Variants in SPAG16 observed in about 807,000 individuals in gnomAD.
SPAG16 encodes the protein sperm-associated antigen 16 protein.
In SPAG16, 86 loss-of-function variants were observed where a neutral mutation model predicts 80.4. That is an observed-to-expected ratio of 1.07 (90% CI 0.90 to 1.28). The LOEUF is 1.28. Ranked by LOEUF, SPAG16 falls within the 50% of genes most tolerant of loss-of-function variation. The pLI is 0.00. For synonymous variants in SPAG16, 294 were observed against 265.9 expected, an observed-to-expected ratio of 1.11 and a Z score of -1.03; for missense variants, 870 against 765.3, an observed-to-expected ratio of 1.14 and a Z score of -1.61.
intron 10 of SPAG16, among the ~76,000 whole-genome samples, chr2:213,508,887 T>C (rs1413623604): frequency 2.6e-5 from 4 of 151,744 alleles, no homozygotes; most frequent in Non-Finnish European, 5.9e-5. Context: ...CTGCACATTG[T>C]GCACATGTAC....
intron 15 of SPAG16, among the ~76,000 whole-genome samples, chr2:214,184,107 CCATATAT>C (rs2057394341): frequency 1.3e-5 from 2 of 152,098 alleles, no homozygotes; most frequent in East Asian, 3.9e-4. Context: ...AGTTTGCCAA[CCATATAT>C]CATATGAAAT....
intron 15 of SPAG16, among the ~76,000 whole-genome samples, chr2:214,153,298 C>G (rs960004727): frequency 6.6e-6 from 1 of 152,190 alleles, no homozygotes; most frequent in Non-Finnish European, 1.5e-5. Flanking sequence ...CACTGTGTCC[C>G]CTCAGCTCCT....
At chr2:214,395,181 T>A (rs1018646005) in intron 15 of SPAG16, among the ~76,000 whole-genome samples, 1 of 152,164 alleles carries the variant, frequency 6.6e-6, no homozygotes, top group South Asian at 2.1e-4. Flanking sequence ...CTTGTACAAG[T>A]TTTTATGTGG....
chr2:213,987,798 TTATAAAA>T (rs2046086649), intron 12 of SPAG16, among the ~76,000 whole-genome samples: 1 of 147,138 alleles, frequency 6.8e-6, no homozygotes, highest in Admixed American at 6.8e-5. Flanking sequence ...AACTATATAA[TTATAAAA>T]TATAAAATAT....
At chr2:213,909,357 A>C (rs1027791674) in intron 11 of SPAG16, among the ~76,000 whole-genome samples, 1 of 152,200 alleles carries the variant, frequency 6.6e-6, no homozygotes, top group African/African-American at 2.4e-5. Context: ...GACTTTCTTC[A>C]CAGAATTGGA....
intron 5 of SPAG16, among the ~76,000 whole-genome samples, chr2:213,329,429 T>C (rs2063989779): frequency 6.6e-6 from 1 of 152,130 alleles, no homozygotes; most frequent in South Asian, 2.1e-4. Context: ...AGGTGACTCT[T>C]GTTATGTTTT....
chr2:214,198,192 A>T (rs935971450), intron 15 of SPAG16, among the ~76,000 whole-genome samples: 1 of 151,890 alleles, frequency 6.6e-6, no homozygotes, highest in African/African-American at 2.4e-5. Context: ...GTGCACCGTC[A>T]CCTGAGCAGT....
rs112519674 is a variant in SPAG16, at chr2:213,573,720, A to G, written c.1070+83630A>G. On this transcript the variant is annotated intron_variant, in intron 10 of 15. Transcript: ENST00000331683. Reference sequence around the variant, plus strand: ...TCTTCTACTATTTTTGGAGTTTGGAATTATCTTAATTTTGTCATAAATTTC... The same window carrying G: ...TCTTCTACTATTTTTGGAGTTTGGAGTTATCTTAATTTTGTCATAAATTTC... Among the ~76,000 whole-genome samples the G allele has an allele frequency of 7.9e-4, 120 of 152,306 alleles. 2 individuals are homozygous for G. The highest frequency in any genetic ancestry group is 3.4e-3 in the Middle Eastern group (1 of 294).
chr2:213,523,463 A>T (rs2075765661), intron 10 of SPAG16, among the ~76,000 whole-genome samples: 1 of 152,194 alleles, frequency 6.6e-6, no homozygotes, highest in African/African-American at 2.4e-5. Context: ...TGCTATAAAG[A>T]TACCCAAAAA....
At chr2:213,727,884 TG>T in intron 10 of SPAG16, among the ~76,000 whole-genome samples, 1 of 152,270 alleles carries the variant, frequency 6.6e-6, no homozygotes, top group Non-Finnish European at 1.5e-5. Flanking sequence ...ATTTCACTCT[TG>T]TCGCCCAGGT....
chr2:214,372,505 A>G (rs1699887140), intron 15 of SPAG16, among the ~76,000 whole-genome samples: 1 of 152,220 alleles, frequency 6.6e-6, no homozygotes, highest in African/African-American at 2.4e-5. Flanking sequence ...ATTATTTGAA[A>G]TATATCTCTG....
intron 10 of SPAG16, among the ~76,000 whole-genome samples, chr2:213,795,568 G>A (rs188621795): frequency 7.3e-4 from 111 of 152,210 alleles, no homozygotes; most frequent in African/African-American, 2.5e-3. Flanking sequence ...CTGACACTTG[G>A]TGATACGGTC....
At chr2:213,598,039 T>C (rs1182759753) in intron 10 of SPAG16, among the ~76,000 whole-genome samples, 1 of 152,178 alleles carries the variant, frequency 6.6e-6, no homozygotes, top group African/African-American at 2.4e-5. Context: ...CCACCTTTGC[T>C]AGCCAGGCTT....
intron 15 of SPAG16, among the ~76,000 whole-genome samples, chr2:214,296,660 C>T (rs1450092405): frequency 6.6e-6 from 1 of 152,126 alleles, no homozygotes; most frequent in African/African-American, 2.4e-5. Context: ...CCTTTTATTA[C>T]ATGTTTATTA....
At chr2:213,974,963 A>C (rs1575697313) in intron 12 of SPAG16, among the ~76,000 whole-genome samples, 2 of 150,862 alleles carry the variant, frequency 1.3e-5, no homozygotes, top group South Asian at 2.1e-4. Flanking sequence ...AAAAAAAAAA[A>C]AACACAAAAT....
intron 11 of SPAG16, among the ~76,000 whole-genome samples, chr2:213,904,047 G>C (rs2077331597): frequency 6.6e-6 from 1 of 152,064 alleles, no homozygotes; most frequent in Non-Finnish European, 1.5e-5. Context: ...ATCACTATCA[G>C]GCTTTTGGTC....
intron 10 of SPAG16, among the ~76,000 whole-genome samples, chr2:213,839,140 G>A (rs557917927): frequency 5.9e-5 from 9 of 152,266 alleles, no homozygotes; most frequent in Non-Finnish European, 1.0e-4. Context: ...CTGTAAGATG[G>A]ATTTGTTAAC....
chr2:214,337,599 A>C (rs902477670), intron 15 of SPAG16, among the ~76,000 whole-genome samples: 2 of 152,198 alleles, frequency 1.3e-5, no homozygotes, highest in Admixed American at 1.3e-4. Flanking sequence ...GGAGAGAACA[A>C]TAAAACCAAC....
At chr2:214,352,558 C>CTGTGTGTGTGTG (rs761835945) in intron 15 of SPAG16, among the ~76,000 whole-genome samples, 7 of 142,466 alleles carry the variant, frequency 4.9e-5, no homozygotes, top group East Asian at 2.1e-4. Context: ...CTTTTTTTCT[C>CTGTGTGTGTGTG]TGTGTGTGTG....
Sources: allele counts gnomAD v4.1 joint callset (sites outside exome capture counted in the v4.1 genomes callset), GRCh38; gene constraint gnomAD v4.1.1; transcripts MANE v1.5; gene names NCBI Gene and HGNC (gene_info 2026-07-23, HGNC 2026-07-21).